CCDC60: variants seen among roughly 807,000 people sequenced by gnomAD.
The protein encoded by CCDC60 is coiled-coil domain-containing protein 60.
In CCDC60, 54 loss-of-function variants were observed where a neutral mutation model predicts 63.5. That is an observed-to-expected ratio of 0.85 (90% CI 0.68 to 1.07). The LOEUF (loss-of-function observed/expected upper bound fraction) is 1.07. CCDC60 is among the 50% of genes least tolerant of loss of function. The probability of loss-of-function intolerance (pLI) is 0.00; values close to 1 mark genes in which losing one functional copy is unlikely to be tolerated. For missense variants in CCDC60, 651 were observed against 684.3 expected, an observed-to-expected ratio of 0.95 and a Z score of 0.54; for synonymous variants, 206 against 238.8, an observed-to-expected ratio of 0.86 and a Z score of 1.27.
At chr12:119,404,828 C>T (rs1956457377) in intron 1 of CCDC60, among the ~76,000 whole-genome samples, 1 of 152,200 alleles carries the variant, frequency 6.6e-6, no homozygotes, top group African/African-American at 2.4e-5. Flanking sequence ...ACCACTCCCT[C>T]CCCAAAGGCA....
chr12:119,348,460 A>C (rs1380311285), intron 1 of CCDC60, among the ~76,000 whole-genome samples: 1 of 151,772 alleles, frequency 6.6e-6, no homozygotes, highest in Non-Finnish European at 1.5e-5. Context: ...CACTAAACAA[A>C]CTCTAGCCAG....
chr12:119,344,221 C>T (rs771485293), intron 1 of CCDC60, among the ~76,000 whole-genome samples: 6 of 152,176 alleles, frequency 3.9e-5, no homozygotes, highest in East Asian at 1.9e-4. Context: ...ATGGTGACAA[C>T]GAAAAACATC....
intron 1 of CCDC60, among the ~76,000 whole-genome samples, chr12:119,346,078 G>C (rs1293811285): frequency 6.6e-6 from 1 of 150,384 alleles, no homozygotes; most frequent in Non-Finnish European, 1.5e-5. Flanking sequence ...ACCCACCTCG[G>C]CCTCCCAAAG....
At chr12:119,441,457 T>C (rs988410106) in intron 2 of CCDC60, among the ~76,000 whole-genome samples, 3 of 152,122 alleles carry the variant, frequency 2.0e-5, no homozygotes, top group Non-Finnish European at 2.9e-5. Flanking sequence ...CCAATACATT[T>C]TCATGAAACA....
intron 2 of CCDC60, among the ~76,000 whole-genome samples, chr12:119,435,314 G>C (rs1159565580): frequency 6.6e-6 from 1 of 152,150 alleles, no homozygotes; most frequent in African/African-American, 2.4e-5. Flanking sequence ...AGCTTAGTAG[G>C]GAAAGTGAAT....
intron 11 of CCDC60, among the ~76,000 whole-genome samples, chr12:119,527,360 C>T (rs1400622480): frequency 6.6e-6 from 1 of 152,228 alleles, no homozygotes; most frequent in Admixed American, 6.5e-5. Context: ...AACAAACCCC[C>T]GTGACACATG....
intron 1 of CCDC60, among the ~76,000 whole-genome samples, chr12:119,358,724 A>G (rs1282158610): frequency 6.6e-6 from 1 of 152,182 alleles, no homozygotes; most frequent in Non-Finnish European, 1.5e-5. Context: ...GATTCATTTC[A>G]CAATGTTATG....
intron 4 of CCDC60, among the ~76,000 whole-genome samples, chr12:119,482,005 T>G (rs984963198): frequency 1.4e-5 from 1 of 69,104 alleles, no homozygotes; most frequent in Non-Finnish European, 2.8e-5. Context: ...TATGTATATA[T>G]AGTATATATA....
At chr12:119,464,025 C>T (rs1205264098) in intron 2 of CCDC60, among the ~76,000 whole-genome samples, 1 of 150,544 alleles carries the variant, frequency 6.6e-6, no homozygotes, top group African/African-American at 2.5e-5. Context: ...TTCCTTCCTT[C>T]TTCCTTTTTT....
At chr12:119,453,359 A>G (rs905986893) in intron 2 of CCDC60, among the ~76,000 whole-genome samples, 3 of 152,198 alleles carry the variant, frequency 2.0e-5, no homozygotes, top group African/African-American at 7.2e-5. Context: ...GATAGAGATT[A>G]AATCAAAGAA....
At chr12:119,507,643 T>C in intron 7 of CCDC60, among the ~76,000 whole-genome samples, 1 of 119,754 alleles carries the variant, frequency 8.4e-6, no homozygotes, top group Non-Finnish European at 1.7e-5. Context: ...AGAAACAGGG[T>C]CTCACTCTGT....
chr12:119,531,583 G>A (rs145465294), intron 13 of CCDC60, among the ~76,000 whole-genome samples: 2,128 of 152,296 alleles, frequency 0.014, 13 homozygotes, highest in Non-Finnish European at 0.018. Flanking sequence ...GCACCATGAA[G>A]AGAAAGGGAA....
In CCDC60 at chr12:119,502,734, C is replaced by T. The variant is rs961278179; in HGVS notation, c.649-2335C>T. On this transcript the variant is annotated intron_variant, in intron 6 of 13. Transcript: ENST00000327554. ...TCTTCTGAAATTGTCCCAGGCTATCCCCTAGGTTTTATAAATGAGGAAACT... is the reference window on the plus strand; with the variant it reads ...TCTTCTGAAATTGTCCCAGGCTATCTCCTAGGTTTTATAAATGAGGAAACT... 6.6e-5 allele frequency among the ~76,000 whole-genome samples: 10 copies of T among 152,062 alleles called. 1 individual carries two copies. The highest frequency in any genetic ancestry group is 3.3e-4 in the Admixed American group (5 of 15,260).
intron 2 of CCDC60, among the ~76,000 whole-genome samples, chr12:119,452,970 G>A (rs772258242): frequency 2.0e-5 from 3 of 152,006 alleles, no homozygotes; most frequent in Non-Finnish European, 2.9e-5. Context: ...TTACAGGCAC[G>A]CACCACCATG....
At chr12:119,403,960 A>C (rs1196967396) in intron 1 of CCDC60, among the ~76,000 whole-genome samples, 1 of 152,182 alleles carries the variant, frequency 6.6e-6, no homozygotes, top group Non-Finnish European at 1.5e-5. Flanking sequence ...TCACATACTA[A>C]TCATTCCTCA....
At chr12:119,499,905 G>A (rs537120606) in intron 5 of CCDC60, among the ~76,000 whole-genome samples, 173 bp from the exon 6 acceptor site, 1 of 152,204 alleles carries the variant, frequency 6.6e-6, no homozygotes, top group Admixed American at 6.5e-5. Context: ...TCACTCAAAA[G>A]AGCCAGCTAT....
At chr12:119,337,951 G>C (rs556065126) in intron 1 of CCDC60, among the ~76,000 whole-genome samples, 249 of 152,178 alleles carry the variant, frequency 1.6e-3, no homozygotes, top group African/African-American at 5.7e-3. Context: ...GAGATGTAGA[G>C]AGTGGAGGAA....
intron 2 of CCDC60, among the ~76,000 whole-genome samples, chr12:119,463,510 T>A (rs1043587899): frequency 6.6e-6 from 1 of 152,220 alleles, no homozygotes; most frequent in African/African-American, 2.4e-5. Flanking sequence ...ATGGAAGTGA[T>A]AATAATAGCA....
chr12:119,507,564 ATATATG>A (rs1428939934), intron 7 of CCDC60, among the ~76,000 whole-genome samples: 3 of 65,772 alleles, frequency 4.6e-5, no homozygotes, highest in African/African-American at 2.8e-4. Context: ...ATATATATAT[ATATATG>A]TATATATACA....
Sources: gnomAD v4.1 joint callset for allele counts (sites outside exome capture counted in the v4.1 genomes callset) on GRCh38, gnomAD v4.1.1 for gene constraint, MANE v1.5 for transcripts, NCBI Gene and HGNC (gene_info 2026-07-23, HGNC 2026-07-21) for gene names.